The following HECW2 variants were observed in gnomAD, a reference collection of about 807,000 sequenced individuals.
HECW2 encodes E3 ubiquitin-protein ligase HECW2.
Under a neutral mutation model 175.2 loss-of-function variants are expected in HECW2, and 61 were observed. That is an observed-to-expected ratio of 0.35 (90% CI 0.28 to 0.43). HECW2 has a LOEUF of 0.43. Ranked by LOEUF, HECW2 falls within the 20% of genes least tolerant of loss-of-function variation. HECW2 has a pLI of 1.00. For synonymous variants in HECW2, 671 were observed against 731.0 expected, an observed-to-expected ratio of 0.92 and a Z score of 1.32; for missense variants, 1,524 against 2,000.5, an observed-to-expected ratio of 0.76 and a Z score of 4.54.
rs1206586521 is a variant in HECW2 at position 196,198,614 on chromosome 2, A to C, written c.*2663T>G. ...CTCATCTAAGAGATGTTCTGCATAC[A>C]TATATGATGTATTAAGAGTGTCTTC... On this transcript the variant is annotated 3_prime_UTR_variant, in exon 29 of 29. Coordinates refer to ENST00000644978, the MANE Select transcript of HECW2 (RefSeq NM_001348768.2). 6.6e-6 allele frequency: 1 copy of C among 152,212 alleles called. No individual in the cohort carries two copies. Among genetic ancestry groups the C allele is most frequent in the Admixed American group, 6.5e-5 (1 of 15,284 alleles). 9.4% of individuals were successfully genotyped at this position (152,212 alleles called of 1,614,324 possible).
chr2:196,472,168 T>C (rs1697228135), intron 1 of HECW2, among the ~76,000 whole-genome samples: 1 of 151,990 alleles, frequency 6.6e-6, no homozygotes, highest in African/African-American at 2.4e-5. Context: ...ATATTGTATG[T>C]AGGTACTGCA....
chr2:196,466,567 G>A (rs553307153), intron 1 of HECW2, among the ~76,000 whole-genome samples: 1 of 152,304 alleles, frequency 6.6e-6, no homozygotes, highest in Admixed American at 6.5e-5. Context: ...AGAGAAGCAG[G>A]TGCAAAAATA....
At position 196,307,208 on chromosome 2, in the gene HECW2, T is replaced by C; in HGVS notation, c.2611A>G (p.Thr871Ala). 6.2e-7 allele frequency: 1 copy of C among 1,613,468 alleles called. No homozygotes were observed. The highest frequency in any genetic ancestry group is 8.5e-7 in the Non-Finnish European group (1 of 1,179,382). Reference sequence around the variant, plus strand: ...GTATTTTCCTCAGGCCTCTCATTGGTCATGGTTCTGCGGATACTCTGATAT... The same window carrying C: ...GTATTTTCCTCAGGCCTCTCATTGGCCATGGTTCTGCGGATACTCTGATAT... ...RRYQSIRRTM[T>A]NERPEENTNA... Residue 871 changes from threonine to alanine, a missense_variant, in exon 12 of 29, where the codon ACC becomes GCC. This residue lies in a region of HECW2 where 105 missense variants were observed against 98.1 expected (regional missense o/e 1.07). Transcript: ENST00000644978.
intron 2 of HECW2, among the ~76,000 whole-genome samples, chr2:196,406,079 A>G (rs1446607023): frequency 6.6e-6 from 1 of 151,572 alleles, no homozygotes; most frequent in African/African-American, 2.4e-5. Flanking sequence ...CCAAGCTAGA[A>G]CCCCTTCCTT....
At position 196,199,168 on chromosome 2, in the gene HECW2, T is replaced by C. The variant is rs1266698743; in HGVS notation, c.*2109A>G. 1 of 152,428 alleles carries C rather than the reference T, an allele frequency of 6.6e-6. No homozygotes were observed. Among genetic ancestry groups the C allele is most frequent in the Non-Finnish European group, 1.5e-5 (1 of 68,002 alleles). 9.4% of individuals were successfully genotyped at this position (152,428 alleles called of 1,614,324 possible). On this transcript the variant is annotated 3_prime_UTR_variant, in exon 29 of 29. Transcript: ENST00000644978. The stretch of plus-strand genomic sequence containing the variant: ...AGAATGCCAGCCCTGAAACATCTTG[T>C]ATACCATCAAATATGTGACTTAAAA...
chr2:196,248,337 C>A (rs914665494), intron 19 of HECW2, among the ~76,000 whole-genome samples: 1 of 152,134 alleles, frequency 6.6e-6, no homozygotes. Context: ...AGACTAACAA[C>A]ACAAAAAGTT....
At chr2:196,306,274 C>A (rs1273607274) in intron 13 of HECW2, among the ~76,000 whole-genome samples, 1 of 152,164 alleles carries the variant, frequency 6.6e-6, no homozygotes, top group Non-Finnish European at 1.5e-5. Flanking sequence ...TATAGGCCAC[C>A]CAGCTTACAG....
chr2:196,468,648 TC>T (rs1263140231), intron 1 of HECW2, among the ~76,000 whole-genome samples: 2 of 152,188 alleles, frequency 1.3e-5, no homozygotes, highest in African/African-American at 4.8e-5. Flanking sequence ...TCTAAACTAT[TC>T]CATTTTTTTT....
intron 1 of HECW2, among the ~76,000 whole-genome samples, chr2:196,497,756 C>T (rs1161261458): frequency 6.6e-6 from 1 of 152,190 alleles, no homozygotes; most frequent in Non-Finnish European, 1.5e-5. Context: ...CCTTTCCTTG[C>T]AAAACCTAGC....
intron 1 of HECW2, among the ~76,000 whole-genome samples, chr2:196,583,701 T>A (rs1465247007): frequency 6.6e-6 from 1 of 152,214 alleles, no homozygotes; most frequent in Non-Finnish European, 1.5e-5. Context: ...TCAATTAATA[T>A]CTGATCTATA....
intron 2 of HECW2, among the ~76,000 whole-genome samples, chr2:196,359,049 GT>G (rs1202990423): frequency 1.3e-5 from 2 of 152,194 alleles, no homozygotes; most frequent in Admixed American, 6.5e-5. Context: ...TGAATATAGT[GT>G]TCAACTTGAG....
intron 16 of HECW2, among the ~76,000 whole-genome samples, 161 bp from the exon 17 acceptor site, chr2:196,271,450 A>ATT (rs35294245): frequency 6.6e-5 from 10 of 151,344 alleles, no homozygotes; most frequent in East Asian, 1.9e-4. Flanking sequence ...TGCTCAGCTA[A>ATT]TTTTTTTTTG....
chr2:196,377,562 AC>A (rs747699604), intron 2 of HECW2, among the ~76,000 whole-genome samples: 3 of 152,180 alleles, frequency 2.0e-5, no homozygotes, highest in Non-Finnish European at 4.4e-5. Flanking sequence ...TATCATGAGA[AC>A]AGCATGGGAA....
Position 196,306,584 on chromosome 2 carries a change from G to A in HECW2, c.2718C>T (p.His906=). The A allele has an allele frequency of 1.2e-6, 2 of 1,613,202 alleles. No homozygotes were observed. Among genetic ancestry groups the A allele is most frequent in the African/African-American group, 2.7e-5 (2 of 74,984 alleles). The change falls in exon 13 of 29, where the codon CAC becomes CAT. Residue 906 remains histidine, a synonymous_variant. Transcript: ENST00000644978. The part of the protein sequence containing the change: ...ADFRRENILP[H]STSRSRITLL... Reference sequence around the variant, plus strand: ...ACGTGATCCTGGATCTGGAGGTAGAGTGAGGCAGGATGTTCTCCCGTCGGA... The same window carrying A: ...ACGTGATCCTGGATCTGGAGGTAGAATGAGGCAGGATGTTCTCCCGTCGGA...
chr2:196,590,546 C>T (rs1463441413), intron 1 of HECW2, among the ~76,000 whole-genome samples: 1 of 152,202 alleles, frequency 6.6e-6, no homozygotes, highest in Non-Finnish European at 1.5e-5. Context: ...AGGCGAGAAG[C>T]CTCTGGTTTC....
intron 17 of HECW2, among the ~76,000 whole-genome samples, chr2:196,265,633 A>C (rs1157113914): frequency 6.6e-6 from 1 of 151,734 alleles, no homozygotes; most frequent in Non-Finnish European, 1.5e-5. Flanking sequence ...AAATTACTTT[A>C]AACTGAGTCC....
intron 2 of HECW2, among the ~76,000 whole-genome samples, chr2:196,354,614 A>G (rs1015674072): frequency 1.3e-5 from 2 of 152,270 alleles, no homozygotes; most frequent in African/African-American, 2.4e-5. Flanking sequence ...CAAAAAAGAA[A>G]TAACATTTTC....
Position 196,292,611 on chromosome 2 carries a change from A to G in HECW2, c.2954T>C (p.Leu985Pro). 6.2e-7 allele frequency: 1 copy of G among 1,614,036 alleles called. No individual in the cohort carries two copies. Among genetic ancestry groups the G allele is most frequent in the Non-Finnish European group, 8.5e-7 (1 of 1,179,962 alleles). ...GFLNMFANKQ[L>P]ELPRGWEMKH... ...CATTTCCCATCCCCGCGGCAGCTCTAGCTGTTTGTTCGCGAACATGTTGAG... is the reference window on the plus strand; with the variant it reads ...CATTTCCCATCCCCGCGGCAGCTCTGGCTGTTTGTTCGCGAACATGTTGAG... Residue 985 changes from leucine (L) to proline (P), a missense_variant, in exon 14 of 29, where the codon CTA becomes CCA. By Grantham distance (98) the Leu-to-Pro change is moderately conservative. This residue lies in a region of HECW2 where 291 missense variants were observed against 412.2 expected (regional missense o/e 0.71). Coordinates refer to ENST00000644978, the MANE Select transcript of HECW2 (RefSeq NM_001348768.2).
chr2:196,497,822 T>C (rs1363640882), intron 1 of HECW2, among the ~76,000 whole-genome samples: 5 of 152,228 alleles, frequency 3.3e-5, no homozygotes, highest in Non-Finnish European at 7.3e-5. Flanking sequence ...AAGAAAGGAA[T>C]GCTGATCACA....
Sources: gnomAD v4.1 joint callset for allele counts (sites outside exome capture counted in the v4.1 genomes callset) on GRCh38, gnomAD v4.1.1 for gene constraint, gnomAD v4.1.1 regional missense constraint, MANE v1.5 for transcripts, NCBI Gene and HGNC (gene_info 2026-07-23, HGNC 2026-07-21) for gene names.